Variants in KIAA0825 observed in about 807,000 individuals in gnomAD.
KIAA0825 encodes the protein uncharacterized protein KIAA0825.
In KIAA0825, 119 loss-of-function variants were observed where a neutral mutation model predicts 147.6. The observed-to-expected ratio is 0.81, with a 90% CI of 0.69 to 0.94. The LOEUF (loss-of-function observed/expected upper bound fraction) is 0.94. Among genes scored for constraint, KIAA0825 ranks in the 40% least tolerant of loss-of-function variants. KIAA0825 has a pLI of 0.00. For synonymous variants in KIAA0825, 470 were observed against 518.1 expected (o/e 0.91, Z 1.26); for missense variants, 1,381 against 1,472.7 (o/e 0.94, Z 1.02).
intron 4 of KIAA0825, among the ~76,000 whole-genome samples, chr5:94,523,036 G>A (rs1768528066): frequency 6.6e-6 from 1 of 151,580 alleles, no homozygotes. Flanking sequence ...AGGCTTCAGG[G>A]CACACAGTCT....
chr5:94,465,837 C>T (rs779750533), intron 10 of KIAA0825, among the ~76,000 whole-genome samples: 1 of 152,146 alleles, frequency 6.6e-6, no homozygotes, highest in Non-Finnish European at 1.5e-5. Context: ...TGGCCAAGGC[C>T]AAGGGGAACA....
intron 20 of KIAA0825, among the ~76,000 whole-genome samples, chr5:94,374,119 T>A (rs1747167210): frequency 6.6e-6 from 1 of 152,140 alleles, no homozygotes; most frequent in Non-Finnish European, 1.5e-5. Flanking sequence ...ACAAGCAAGT[T>A]TTAAAATAGT....
chr5:94,306,778 C>CA (rs1486689300), intron 20 of KIAA0825, among the ~76,000 whole-genome samples: 1 of 151,760 alleles, frequency 6.6e-6, no homozygotes, highest in African/African-American at 2.4e-5. Flanking sequence ...GTGGATGTTG[C>CA]AGCCCTCATT....
chr5:94,291,267 T>A (rs1208083017), intron 20 of KIAA0825, among the ~76,000 whole-genome samples: 3 of 152,214 alleles, frequency 2.0e-5, no homozygotes, highest in Non-Finnish European at 4.4e-5. Flanking sequence ...AAATCTTTGA[T>A]CCATCTTGAG....
intron 20 of KIAA0825, among the ~76,000 whole-genome samples, chr5:94,175,863 G>T (rs1318376004): frequency 6.6e-6 from 1 of 151,970 alleles, no homozygotes; most frequent in Non-Finnish European, 1.5e-5. Context: ...CATCTTATTT[G>T]CCATAACCTA....
intron 20 of KIAA0825, among the ~76,000 whole-genome samples, chr5:94,320,816 A>G (rs1780110026): frequency 6.6e-6 from 1 of 152,022 alleles, no homozygotes; most frequent in African/African-American, 2.4e-5. Flanking sequence ...ACAAAAGAAA[A>G]ATGTTATGTT....
chr5:94,271,609 A>C (rs1400490680), intron 20 of KIAA0825, among the ~76,000 whole-genome samples: 1 of 152,036 alleles, frequency 6.6e-6, no homozygotes, highest in Non-Finnish European at 1.5e-5. Context: ...TTAGCTGGGC[A>C]TGGTGGTGCA....
At chr5:94,538,563 T>C (rs1316514751) in intron 2 of KIAA0825, among the ~76,000 whole-genome samples, 1 of 152,220 alleles carries the variant, frequency 6.6e-6, no homozygotes, top group African/African-American at 2.4e-5. Flanking sequence ...TAACCTTTGG[T>C]AGACAGCTAG....
chr5:94,552,810 A>T (rs2152263293), intron 2 of KIAA0825, among the ~76,000 whole-genome samples: 1 of 152,334 alleles, frequency 6.6e-6, no homozygotes, highest in South Asian at 2.1e-4. Context: ...TATGATAGCT[A>T]AAAAAGCTGA....
intron 5 of KIAA0825, among the ~76,000 whole-genome samples, chr5:94,498,118 G>C (rs570751969): frequency 5.8e-4 from 88 of 152,238 alleles, no homozygotes; most frequent in Non-Finnish European, 1.0e-3. Flanking sequence ...GTTATTTTCT[G>C]CTCAAAAGAC....
At chr5:94,431,331 A>G (rs1445071953) in intron 14 of KIAA0825, among the ~76,000 whole-genome samples, 1 of 152,242 alleles carries the variant, frequency 6.6e-6, no homozygotes, top group East Asian at 1.9e-4. Flanking sequence ...GAATTGTCAT[A>G]TAAAATGAAC....
At chr5:94,485,783 A>T (rs997695729) in intron 5 of KIAA0825, among the ~76,000 whole-genome samples, 2 of 151,640 alleles carry the variant, frequency 1.3e-5, no homozygotes, top group Non-Finnish European at 3.0e-5. Flanking sequence ...TTAAAGATAC[A>T]CTCTTTAAGA....
chr5:94,276,912 G>A (rs1777248578), intron 20 of KIAA0825, among the ~76,000 whole-genome samples: 1 of 151,962 alleles, frequency 6.6e-6, no homozygotes, highest in Admixed American at 6.6e-5. Context: ...GCACACTTTT[G>A]GCCTCTCTCC....
chr5:94,175,133 G>A (rs2149959867), intron 20 of KIAA0825, among the ~76,000 whole-genome samples: 1 of 152,268 alleles, frequency 6.6e-6, no homozygotes, highest in East Asian at 1.9e-4. Flanking sequence ...TTCCCTGAAT[G>A]AAATCCTACA....
chr5:94,299,838 C>T (rs1440158527), intron 20 of KIAA0825, among the ~76,000 whole-genome samples: 2 of 152,154 alleles, frequency 1.3e-5, no homozygotes, highest in South Asian at 4.1e-4. Flanking sequence ...TTCAGTTTGT[C>T]TAGGTAAAAA....
At chr5:94,515,288 A>G (rs1369511258) in intron 5 of KIAA0825, among the ~76,000 whole-genome samples, 13 of 152,242 alleles carry the variant, frequency 8.5e-5, no homozygotes, top group Non-Finnish European at 4.4e-5. Context: ...TTACAATATA[A>G]GAATGGCACT....
intron 20 of KIAA0825, among the ~76,000 whole-genome samples, chr5:94,371,974 T>C (rs1324675034): frequency 6.6e-6 from 1 of 152,192 alleles, no homozygotes; most frequent in African/African-American, 2.4e-5. Context: ...CTGTTCCAAA[T>C]GAGAGAAATT....
intron 10 of KIAA0825, among the ~76,000 whole-genome samples, chr5:94,469,039 C>G (rs1760892784): frequency 6.6e-6 from 1 of 152,162 alleles, no homozygotes; most frequent in Non-Finnish European, 1.5e-5. Flanking sequence ...TGAAGGGAAA[C>G]TAATGAAGCT....
At position 94,235,026 on chromosome 5, in the gene KIAA0825, C is replaced by CA. The variant is rs770665759; in HGVS notation, c.3711-80903dup. 4.4e-3 allele frequency among the ~76,000 whole-genome samples: 576 copies of CA among 131,460 alleles called. 3 individuals carry two copies. Among genetic ancestry groups the CA allele is most frequent in the African/African-American group, 0.012 (415 of 35,412 alleles). 86.2% of individuals were successfully genotyped at this position (131,460 alleles called of 152,430 possible). A position where few individuals can be genotyped will look rare whatever the true frequency, so the allele number is the denominator to read the frequency against. On this transcript the variant is annotated intron_variant, in intron 20 of 20. Transcript: ENST00000682413. ...CCTTGGGCCTCCCTCTTTCCTCAGG[C>CA]AAAAAAAAAAAAAATTGAAATAGGC...
Sources: allele counts gnomAD v4.1 joint callset (sites outside exome capture counted in the v4.1 genomes callset), GRCh38; gene constraint gnomAD v4.1.1; transcripts MANE v1.5; gene names NCBI Gene and HGNC (gene_info 2026-07-23, HGNC 2026-07-21).